CACNA2D3: variants seen among roughly 807,000 people sequenced by gnomAD.
The protein encoded by CACNA2D3 is voltage-dependent calcium channel subunit alpha-2/delta-3.
CACNA2D3 carries 60 observed loss-of-function variants against 160.6 expected under a neutral mutation model. That is an observed-to-expected ratio of 0.37 (90% CI 0.30 to 0.46). The LOEUF (loss-of-function observed/expected upper bound fraction) is 0.46. Among genes scored for constraint, CACNA2D3 ranks in the 20% least tolerant of loss-of-function variants. The pLI is 1.00. For missense variants in CACNA2D3, 1,205 were observed against 1,365.0 expected (o/e 0.88, Z 1.85); for synonymous variants, 558 against 492.9 (o/e 1.13, Z -1.75).
chr3:54,733,399 G>A (rs1315233371), intron 11 of CACNA2D3, among the ~76,000 whole-genome samples: 8 of 152,204 alleles, frequency 5.3e-5, no homozygotes, highest in Admixed American at 5.2e-4. Flanking sequence ...TGAGTTTTCT[G>A]TATGGTGTTG....
At position 54,697,160 on chromosome 3, in the gene CACNA2D3, C is replaced by A. The variant is rs142811228; in HGVS notation, c.1167+54919C>A. Among the ~76,000 whole-genome samples, 993 of 152,230 alleles carry A rather than the reference C, an allele frequency of 6.5e-3. 4 individuals carry two copies. The highest frequency in any genetic ancestry group is 0.024 in the Middle Eastern group (7 of 294). Reference sequence around the variant, plus strand: ...AGGCATGGTGGTGCATGCTTGTGGTCCCAGCTACTCAGGAGGCTAAGGTAG... The same window carrying A: ...AGGCATGGTGGTGCATGCTTGTGGTACCAGCTACTCAGGAGGCTAAGGTAG... On this transcript the variant is annotated intron_variant, in intron 11 of 37. Coordinates refer to ENST00000474759, the MANE Select transcript of CACNA2D3 (RefSeq NM_018398.3).
At chr3:54,288,330 G>A (rs1228248303) in intron 2 of CACNA2D3, among the ~76,000 whole-genome samples, 1 of 152,130 alleles carries the variant, frequency 6.6e-6, no homozygotes, top group Non-Finnish European at 1.5e-5. Context: ...TAGAAGAAAT[G>A]GATAAATTCC....
intron 5 of CACNA2D3, among the ~76,000 whole-genome samples, chr3:54,562,256 A>T (rs913421958): frequency 1.3e-5 from 2 of 152,214 alleles, no homozygotes; most frequent in Non-Finnish European, 2.9e-5. Context: ...TTTCACAGAG[A>T]TCACATTCTG....
chr3:54,520,629 A>G (rs1230222787), intron 5 of CACNA2D3, among the ~76,000 whole-genome samples: 1 of 152,218 alleles, frequency 6.6e-6, no homozygotes, highest in African/African-American at 2.4e-5. Context: ...CACATAACAT[A>G]CAATTTGCCT....
In CACNA2D3 at chr3:54,651,103, A is replaced by G. The variant is rs142583654; in HGVS notation, c.1167+8862A>G. Among the ~76,000 whole-genome samples, 5 of 152,316 alleles carry G rather than the reference A, an allele frequency of 3.3e-5. No individual in the cohort carries two copies. The East Asian group carries it at 9.7e-4, about 29-fold the overall frequency. ...TTAACCAGGATGCAGACATCTTGAG[A>G]ACAAAACAAGGTAAAATGACCATAG... On this transcript the variant is annotated intron_variant, in intron 11 of 37. Coordinates refer to ENST00000474759, the MANE Select transcript of CACNA2D3 (RefSeq NM_018398.3).
intron 27 of CACNA2D3, among the ~76,000 whole-genome samples, chr3:54,926,480 C>A (rs1348240677): frequency 1.4e-5 from 2 of 146,922 alleles, no homozygotes; most frequent in Admixed American, 1.4e-4. Context: ...GAGTTCTTAT[C>A]TACTGTGCTC....
chr3:54,200,419 G>T (rs1383198943), intron 2 of CACNA2D3, among the ~76,000 whole-genome samples: 1 of 152,152 alleles, frequency 6.6e-6, no homozygotes, highest in African/African-American at 2.4e-5. Context: ...AGTTTCTGTT[G>T]CCCCAGCCCC....
intron 2 of CACNA2D3, among the ~76,000 whole-genome samples, chr3:54,267,358 C>A (rs1292720660): frequency 6.6e-6 from 1 of 152,096 alleles, no homozygotes; most frequent in Non-Finnish European, 1.5e-5. Flanking sequence ...TATGACAAAC[C>A]AGAACCTCCT....
intron 3 of CACNA2D3, among the ~76,000 whole-genome samples, chr3:54,376,124 T>C (rs114990551): frequency 0.013 from 1,967 of 152,272 alleles, 37 homozygotes; most frequent in African/African-American, 0.042. Flanking sequence ...CAGGCCACAG[T>C]ACTCCTTAGC....
At chr3:54,704,014 T>C (rs1290514939) in intron 11 of CACNA2D3, among the ~76,000 whole-genome samples, 1 of 152,228 alleles carries the variant, frequency 6.6e-6, no homozygotes, top group Non-Finnish European at 1.5e-5. Context: ...AATCTTGATC[T>C]TTGAAAAGCA....
chr3:54,185,593 A>C (rs1470146173), intron 2 of CACNA2D3, among the ~76,000 whole-genome samples: 1 of 152,214 alleles, frequency 6.6e-6, no homozygotes, highest in Non-Finnish European at 1.5e-5. Context: ...AATCCTGTAG[A>C]CCAAAGGATC....
chr3:54,722,067 C>T (rs1297711110), intron 11 of CACNA2D3, among the ~76,000 whole-genome samples: 3 of 152,176 alleles, frequency 2.0e-5, no homozygotes, highest in Non-Finnish European at 4.4e-5. Flanking sequence ...TAGATTTGGT[C>T]TTTTCACATA....
chr3:54,989,152 G>C (rs573143321), intron 31 of CACNA2D3, among the ~76,000 whole-genome samples: 1 of 152,180 alleles, frequency 6.6e-6, no homozygotes, highest in Non-Finnish European at 1.5e-5. Context: ...TCAACTTGGT[G>C]GGGGGAGGAG....
chr3:54,677,275 G>A (rs1193434220), intron 11 of CACNA2D3, among the ~76,000 whole-genome samples: 1 of 152,168 alleles, frequency 6.6e-6, no homozygotes, highest in Non-Finnish European at 1.5e-5. Flanking sequence ...TCTGGTTTTG[G>A]TAGTTCTACA....
At chr3:54,354,903 G>A (rs1698623030) in intron 3 of CACNA2D3, among the ~76,000 whole-genome samples, 1 of 152,206 alleles carries the variant, frequency 6.6e-6, no homozygotes, top group Non-Finnish European at 1.5e-5. Context: ...TGCAACACCA[G>A]AAAGGAAAAT....
chr3:54,637,294 G>A (rs990031483), intron 10 of CACNA2D3, among the ~76,000 whole-genome samples: 13 of 151,724 alleles, frequency 8.6e-5, no homozygotes, highest in African/African-American at 1.2e-4. Context: ...GTGCATGATC[G>A]GTCACCAAGG....
At chr3:54,464,290 T>G (rs1348507095) in intron 4 of CACNA2D3, among the ~76,000 whole-genome samples, 1 of 152,180 alleles carries the variant, frequency 6.6e-6, no homozygotes, top group Non-Finnish European at 1.5e-5. Context: ...GGAGAACCAC[T>G]GCTCTCTTCA....
intron 4 of CACNA2D3, among the ~76,000 whole-genome samples, chr3:54,389,316 T>C (rs1361152742): frequency 1.4e-5 from 2 of 145,204 alleles, no homozygotes; most frequent in African/African-American, 5.1e-5. Flanking sequence ...AAAAGACAAA[T>C]GAGGGGGAAT....
chr3:54,183,664 C>T (rs1418798154), intron 2 of CACNA2D3, among the ~76,000 whole-genome samples: 1 of 151,810 alleles, frequency 6.6e-6, no homozygotes, highest in Non-Finnish European at 1.5e-5. Context: ...GCGGGTGGAT[C>T]ACCTGAGGTC....
Sources: gnomAD v4.1 joint callset for allele counts (sites outside exome capture counted in the v4.1 genomes callset) on GRCh38, gnomAD v4.1.1 for gene constraint, MANE v1.5 for transcripts, NCBI Gene and HGNC (gene_info 2026-07-23, HGNC 2026-07-21) for gene names.